The following ZFHX3 variants were observed in gnomAD, a reference collection of about 807,000 sequenced individuals.
The protein encoded by ZFHX3 is zinc finger homeobox 3.
In ZFHX3, 42 loss-of-function variants were observed where a neutral mutation model predicts 279.1. The ratio of observed to expected loss-of-function variants is 0.15; its 90% CI spans 0.12 to 0.19. The LOEUF is 0.19. Ranked by LOEUF, ZFHX3 falls within the 10% of genes least tolerant of loss-of-function variation. The pLI, the probability that ZFHX3 is intolerant of heterozygous loss-of-function variation, is 1.00. For synonymous variants in ZFHX3, 2,293 were observed against 1,957.8 expected (o/e 1.17, Z -4.52); for missense variants, 4,981 against 4,754.0 (o/e 1.05, Z -1.40).
intron 4 of ZFHX3, among the ~76,000 whole-genome samples, chr16:72,832,574 C>T (rs1272370119): frequency 1.3e-5 from 2 of 152,214 alleles, no homozygotes; most frequent in African/African-American, 4.8e-5. Flanking sequence ...CACTAAAAGG[C>T]TGTTCTATGC....
intron 4 of ZFHX3, among the ~76,000 whole-genome samples, chr16:72,849,130 C>G (rs957723218): frequency 6.6e-6 from 1 of 152,210 alleles, no homozygotes; most frequent in Non-Finnish European, 1.5e-5. Context: ...GGCCAACGCC[C>G]GCCCTCCAGG....
At chr16:73,015,310 G>A (rs1298391133) in intron 1 of ZFHX3, 2 of 152,202 alleles carry the variant, frequency 1.3e-5, no homozygotes, top group Admixed American at 1.3e-4. Context: ...GCCTCCATAA[G>A]TGCTGGGATT....
At chr16:73,854,664 G>A (rs1240671600) in intron 1 of ZFHX3, among the ~76,000 whole-genome samples, 3 of 140,406 alleles carry the variant, frequency 2.1e-5, no homozygotes, top group East Asian at 4.2e-4. Context: ...AAAAAAACAC[G>A]GCAAAATACT....
chr16:73,043,908 T>A (rs1228681595), intron 1 of ZFHX3, among the ~76,000 whole-genome samples: 1 of 152,204 alleles, frequency 6.6e-6, no homozygotes, highest in African/African-American at 2.4e-5. Flanking sequence ...AGTGCTTCTC[T>A]TTAATCTGGA....
At chr16:73,347,690 C>A (rs2016148275) in intron 3 of ZFHX3, among the ~76,000 whole-genome samples, 1 of 152,234 alleles carries the variant, frequency 6.6e-6, no homozygotes, top group South Asian at 2.1e-4. Flanking sequence ...TAGTTAATTT[C>A]ATCTGTTTTG....
chr16:73,415,947 C>G (rs78781548), intron 3 of ZFHX3, among the ~76,000 whole-genome samples: 7,190 of 151,916 alleles, frequency 0.047, 385 homozygotes, highest in East Asian at 0.29. Context: ...TGGTGAAACC[C>G]CATCTCTACT....
At chr16:73,427,384 C>T (rs1045774677) in intron 3 of ZFHX3, among the ~76,000 whole-genome samples, 1 of 152,168 alleles carries the variant, frequency 6.6e-6, no homozygotes, top group African/African-American at 2.4e-5. Flanking sequence ...CTATCACTGC[C>T]TCTGGCTTTT....
chr16:72,894,759 G>A (rs2038856284), intron 3 of ZFHX3, among the ~76,000 whole-genome samples: 1 of 152,190 alleles, frequency 6.6e-6, no homozygotes, highest in Non-Finnish European at 1.5e-5. Context: ...ACTCAAGAAA[G>A]GAGCTGCCTG....
intron 1 of ZFHX3, among the ~76,000 whole-genome samples, chr16:73,729,907 G>C (rs2053554397): frequency 6.6e-6 from 1 of 152,112 alleles, no homozygotes; most frequent in African/African-American, 2.4e-5. Context: ...AGTTAAGTTA[G>C]TGTAAAAAAT....
intron 7 of ZFHX3, chr16:73,127,475 A>G: frequency 7.7e-7 from 1 of 1,305,476 alleles, no homozygotes; most frequent in Non-Finnish European, 1.0e-6. Flanking sequence ...GGGCATCGAC[A>G]GGCAAGATCA....
chr16:73,331,923 T>C (rs569867356), intron 3 of ZFHX3, among the ~76,000 whole-genome samples: 4 of 151,402 alleles, frequency 2.6e-5, no homozygotes, highest in African/African-American at 7.3e-5. Flanking sequence ...ACAGGAAGAG[T>C]TGGGAAATCA....
At chr16:73,541,139 TA>T (rs2020003259) in intron 2 of ZFHX3, among the ~76,000 whole-genome samples, 1 of 152,124 alleles carries the variant, frequency 6.6e-6, no homozygotes, top group African/African-American at 2.4e-5. Context: ...TATGAATATT[TA>T]TTTTGGGCCC....
chr16:73,539,848 G>A (rs1490142082), intron 2 of ZFHX3, among the ~76,000 whole-genome samples: 1 of 152,142 alleles, frequency 6.6e-6, no homozygotes, highest in African/African-American at 2.4e-5. Flanking sequence ...ATAAATGGAA[G>A]GTTACTGAAT....
At chr16:73,133,601 A>G (rs1365447182) in intron 6 of ZFHX3, among the ~76,000 whole-genome samples, 2 of 152,244 alleles carry the variant, frequency 1.3e-5, no homozygotes, top group South Asian at 2.1e-4. Context: ...ATGGCCAGCT[A>G]TAAGCCAAGA....
At chr16:73,332,610 C>A (rs2015827254) in intron 3 of ZFHX3, among the ~76,000 whole-genome samples, 1 of 152,220 alleles carries the variant, frequency 6.6e-6, no homozygotes, top group Admixed American at 6.5e-5. Flanking sequence ...GAAACTAAAT[C>A]CTTTGCTGGC....
intron 1 of ZFHX3, among the ~76,000 whole-genome samples, chr16:72,971,764 G>A (rs1040736306): frequency 2.0e-5 from 3 of 151,612 alleles, no homozygotes; most frequent in Non-Finnish European, 4.4e-5. Flanking sequence ...TTAAAAGTCC[G>A]TTTGACAGGC....
chr16:73,673,920 A>T (rs2052928504), intron 2 of ZFHX3, among the ~76,000 whole-genome samples: 1 of 152,218 alleles, frequency 6.6e-6, no homozygotes, highest in African/African-American at 2.4e-5. Context: ...CCACACAAGG[A>T]GACAGGTATG....
At chr16:73,761,395 C>T (rs77036760) in intron 1 of ZFHX3, among the ~76,000 whole-genome samples, 1,984 of 152,184 alleles carry the variant, frequency 0.013, 55 homozygotes, top group African/African-American at 0.044. Context: ...GTGAAAATGA[C>T]CATACCATAC....
chr16:73,677,427 TAAAC>T (rs1165457532), intron 2 of ZFHX3, among the ~76,000 whole-genome samples: 4 of 150,904 alleles, frequency 2.7e-5, no homozygotes, highest in Non-Finnish European at 5.9e-5. Flanking sequence ...TTTTTATTAA[TAAAC>T]AACAACAACA....
Sources: gnomAD v4.1 joint callset for allele counts (sites outside exome capture counted in the v4.1 genomes callset) on GRCh38, gnomAD v4.1.1 for gene constraint, MANE v1.5 for transcripts, NCBI Gene and HGNC (gene_info 2026-07-23, HGNC 2026-07-21) for gene names.